Variants in JADE1 observed in about 807,000 individuals in gnomAD.
The protein encoded by JADE1 is protein Jade-1.
In JADE1, 14 loss-of-function variants were observed where a neutral mutation model predicts 81.8. The observed-to-expected ratio is 0.17, with a 90% CI of 0.11 to 0.27. The LOEUF (loss-of-function observed/expected upper bound fraction) is 0.27. Ranked by LOEUF, JADE1 falls within the 10% of genes least tolerant of loss-of-function variation. JADE1 has a pLI of 1.00. For synonymous variants in JADE1, 353 were observed against 391.9 expected, an observed-to-expected ratio of 0.90 and a Z score of 1.17; for missense variants, 690 against 1,047.9, an observed-to-expected ratio of 0.66 and a Z score of 4.71.
In JADE1 at chr4:128,826,725, G is replaced by A. The variant is rs1443944770; in HGVS notation, c.-26-5008G>A. Among the ~76,000 whole-genome samples, 3 of 152,056 alleles carry A rather than the reference G, an allele frequency of 2.0e-5. No individual in the cohort carries two copies. The East Asian group carries it at 5.8e-4, about 29-fold the overall frequency. ...CCTATGTTATGTTTATTTCATATTT[G>A]ACTTGAGAGAATCTGTTCTCCAGAA... On this transcript the variant is annotated intron_variant, in intron 1 of 10. Transcript: ENST00000226319.
chr4:128,816,717 A>T (rs1380537790), intron 1 of JADE1, among the ~76,000 whole-genome samples: 1 of 152,254 alleles, frequency 6.6e-6, no homozygotes, highest in African/African-American at 2.4e-5. Context: ...TTCAGTGACC[A>T]AATTTTGGTT....
chr4:128,825,311 A>T (rs374402287), intron 1 of JADE1, among the ~76,000 whole-genome samples: 24 of 152,310 alleles, frequency 1.6e-4, no homozygotes, highest in Middle Eastern at 3.4e-3. Context: ...AAGTGCCTGG[A>T]TTACAGGCGT....
chr4:128,871,250 G>GGT lies in JADE1; in HGVS notation c.1622-103_1622-102dup. 1 of 1,088,190 alleles carries GGT rather than the reference G, an allele frequency of 9.2e-7. No individual in the cohort carries two copies. Among genetic ancestry groups the GGT allele is most frequent in the South Asian group, 1.6e-5 (1 of 64,158 alleles). 67.4% of individuals were successfully genotyped at this position (1,088,190 alleles called of 1,614,324 possible). A position where few individuals can be genotyped will look rare whatever the true frequency, so the allele number is the denominator to read the frequency against. On this transcript the variant is annotated intron_variant, in intron 10 of 10. Coordinates refer to ENST00000226319, the MANE Select transcript of JADE1 (RefSeq NM_199320.4). This position sits in a 1 kb window ranked among gnomAD's most constrained non-coding sequence, Gnocchi z 4.1. ...TGGTGGTGTAAGTGTTGTGTTGTTG[G>GGT]GTGGGGAGTTCACATCAATTGGGCC...
intron 1 of JADE1, among the ~76,000 whole-genome samples, chr4:128,819,333 G>T (rs1230920042): frequency 1.3e-5 from 2 of 152,092 alleles, no homozygotes; most frequent in Non-Finnish European, 2.9e-5. Context: ...GCAGTGGCAC[G>T]ATCACGGCTC....
intron 1 of JADE1, among the ~76,000 whole-genome samples, chr4:128,822,871 A>G: frequency 6.6e-6 from 1 of 152,188 alleles, no homozygotes; most frequent in Non-Finnish European, 1.5e-5. Flanking sequence ...TGAATATACA[A>G]GCAATTGCTG....
intron 2 of JADE1, among the ~76,000 whole-genome samples, chr4:128,833,564 G>A (rs1252056222): frequency 6.6e-6 from 1 of 152,130 alleles, no homozygotes. Context: ...GCATGATGGT[G>A]TGTGCCTGTA....
intron 8 of JADE1, 133 bp downstream of exon 8, chr4:128,857,587 G>T (rs1730900318): frequency 2.8e-6 from 2 of 703,284 alleles, no homozygotes; most frequent in African/African-American, 3.5e-5. Context: ...AGGTTCCCAA[G>T]GGGTGACTCC....
intron 1 of JADE1, among the ~76,000 whole-genome samples, chr4:128,813,001 A>G (rs1726618056): frequency 6.6e-6 from 1 of 152,208 alleles, no homozygotes; most frequent in South Asian, 2.1e-4. Flanking sequence ...TCCTTTTTAT[A>G]ATACCCGCCA....
At chr4:128,845,274 T>A (rs1394250888) in intron 3 of JADE1, among the ~76,000 whole-genome samples, 1 of 152,162 alleles carries the variant, frequency 6.6e-6, no homozygotes, top group Non-Finnish European at 1.5e-5. Context: ...GCATAGGCAC[T>A]GGGATGGCTG....
chr4:128,862,316 A>T (rs927068115), intron 9 of JADE1, 91 bp downstream of exon 9: 1 of 1,563,902 alleles, frequency 6.4e-7, no homozygotes, highest in Non-Finnish European at 8.7e-7. Context: ...ATAGCCAGTC[A>T]TATACTCTCA....
At chr4:128,834,041 G>A (rs1253285027) in intron 2 of JADE1, among the ~76,000 whole-genome samples, 2 of 152,186 alleles carry the variant, frequency 1.3e-5, no homozygotes, top group African/African-American at 4.8e-5. Flanking sequence ...GAAGACACAT[G>A]TGGCTAGTGT....
In JADE1 at chr4:128,848,984, G is replaced by T; in HGVS notation, c.301G>T (p.Val101Leu). Residue 101 changes from valine to leucine, a missense_variant, in exon 5 of 11, where the codon GTG becomes TTG. Around this residue, in one of 8 missense-constraint regions of JADE1, gnomAD observed 98 missense variants for 161.3 expected, o/e 0.61. Transcript: ENST00000226319. The stretch of plus-strand genomic sequence containing the variant: ...CCTTGTTTTTTTATTATCCAGGGTT[G>T]TGTCTGAAGAGAAATCCCTCATGTT... Reference protein sequence around the residue: ...GTIPQPVARVVSEEKSLMFIR... With the variant: ...GTIPQPVARVLSEEKSLMFIR... 1 of 1,613,984 alleles carries T rather than the reference G, an allele frequency of 6.2e-7. No individual in the cohort carries two copies. The highest frequency in any genetic ancestry group is 8.5e-7 in the Non-Finnish European group (1 of 1,179,962).
At chr4:128,859,653 G>A (rs1431488147) in intron 8 of JADE1, among the ~76,000 whole-genome samples, 3 of 152,222 alleles carry the variant, frequency 2.0e-5, no homozygotes, top group African/African-American at 4.8e-5. Context: ...GGCTGCAGCA[G>A]ACCACATTCC....
chr4:128,817,282 C>T (rs1727128408), intron 1 of JADE1, among the ~76,000 whole-genome samples: 1 of 73,110 alleles, frequency 1.4e-5, no homozygotes, highest in South Asian at 9.8e-4. Flanking sequence ...AGAGCTGAGT[C>T]CTCCCGCCCT....
At chr4:128,852,573 C>T (rs776332180) in intron 6 of JADE1, among the ~76,000 whole-genome samples, 12 of 152,206 alleles carry the variant, frequency 7.9e-5, no homozygotes, top group Non-Finnish European at 1.6e-4. Context: ...CTCTGTCCTA[C>T]TGTAACACTT....
chr4:128,816,883 CT>C (rs765406971), intron 1 of JADE1, among the ~76,000 whole-genome samples: 329 of 144,226 alleles, frequency 2.3e-3, no homozygotes, highest in Middle Eastern at 3.6e-3. Context: ...TTTTCTCTCT[CT>C]TTTTTTTTTT....
rs17013852 is a variant in JADE1 at position 128,862,615 on chromosome 4, G to A, written c.1503+390G>A. ...CAGACTGATTTAGAAAACCAGAACG[G>A]ATTTCATTTCTAATGGAGGGGGCCA... On this transcript the variant is annotated intron_variant, in intron 9 of 10. Coordinates refer to ENST00000226319, the MANE Select transcript of JADE1 (RefSeq NM_199320.4). 5,533 of 1,026,870 alleles carry A rather than the reference G, an allele frequency of 5.4e-3. 163 individuals are homozygous for A. In the African/African-American group the frequency reaches 0.074, roughly 14 times the overall value. 63.6% of individuals were successfully genotyped at this position (1,026,870 alleles called of 1,614,324 possible).
intron 2 of JADE1, among the ~76,000 whole-genome samples, chr4:128,838,744 G>A (rs1406177313): frequency 6.6e-6 from 1 of 152,126 alleles, no homozygotes; most frequent in Non-Finnish European, 1.5e-5. Flanking sequence ...AAAAAGGAGT[G>A]TTTTGATTTT....
At chr4:128,849,688 G>A (rs769555167) in intron 5 of JADE1, among the ~76,000 whole-genome samples, 2 of 152,130 alleles carry the variant, frequency 1.3e-5, no homozygotes, top group Non-Finnish European at 2.9e-5. Flanking sequence ...TCTCTGTCCT[G>A]GCTTTCCTTC....
Sources: allele counts gnomAD v4.1 joint callset (sites outside exome capture counted in the v4.1 genomes callset), GRCh38; gene constraint gnomAD v4.1.1; regional missense constraint gnomAD v4.1.1; non-coding constraint Gnocchi (gnomAD v3.1); transcripts MANE v1.5; gene names NCBI Gene and HGNC (gene_info 2026-07-23, HGNC 2026-07-21).